DNAH8: variants seen among roughly 807,000 people sequenced by gnomAD.
The protein encoded by DNAH8 is dynein axonemal heavy chain 8, also known as axonemal beta dynein heavy chain 8.
DNAH8 carries 382 observed loss-of-function variants against 562.1 expected under a neutral mutation model. That is an observed-to-expected ratio of 0.68 (90% confidence interval 0.63 to 0.74). DNAH8 has a LOEUF of 0.74. Among genes scored for constraint, DNAH8 ranks in the 30% least tolerant of loss-of-function variants. The pLI, the probability that DNAH8 is intolerant of heterozygous loss-of-function variation, is 0.00. For synonymous variants in DNAH8, 1,881 were observed against 1,919.4 expected (o/e 0.98, Z 0.52); for missense variants, 5,203 against 5,620.4 (o/e 0.93, Z 2.37).
intron 33 of DNAH8, among the ~76,000 whole-genome samples, chr6:38,839,363 T>C: frequency 7.8e-6 from 1 of 128,208 alleles, no homozygotes; most frequent in East Asian, 3.7e-4. Flanking sequence ...AAGTTTTTTT[T>C]TTGTTTGTTT....
At chr6:38,890,852 A>G (rs781640965) in intron 58 of DNAH8, 91 bp downstream of exon 58, 2 of 866,452 alleles carry the variant, frequency 2.3e-6, no homozygotes, top group South Asian at 1.5e-5. Context: ...TCATAATATC[A>G]TATATAGTGG....
intron 82 of DNAH8, among the ~76,000 whole-genome samples, chr6:38,970,396 T>C (rs1430271286): frequency 6.6e-6 from 1 of 152,160 alleles, no homozygotes; most frequent in Non-Finnish European, 1.5e-5. Context: ...GAAAGATTCA[T>C]GTGGGCTTTG....
chr6:39,014,340 C>T (rs576540380), intron 91 of DNAH8, among the ~76,000 whole-genome samples: 2 of 152,064 alleles, frequency 1.3e-5, no homozygotes, highest in Non-Finnish European at 2.9e-5. Flanking sequence ...CTCTTTCCTC[C>T]GTATGAGCCT....
chr6:38,868,055 A>T lies in DNAH8; in HGVS notation c.6694-7A>T, dbSNP rs758467803. ...AACCATCTTTTTGCCCTCTTCTCCC[A>T]TCTCAGGTTCATTATGACTTTGGAT... On this transcript the variant is annotated splice_region_variant and splice_polypyrimidine_tract_variant and intron_variant, in intron 47 of 92. Transcript: ENST00000327475. The T allele has an allele frequency of 1.5e-5, 24 of 1,605,486 alleles. No individual in the cohort carries two copies. Among genetic ancestry groups the T allele is most frequent in the Non-Finnish European group, 1.9e-5 (22 of 1,177,702 alleles).
rs777186173 is a variant in DNAH8, at chr6:38,973,799, A to G, written c.12664A>G (p.Ile4222Val). Residue 4222 changes from isoleucine (I) to valine (V), a missense_variant, in exon 84 of 93, where the codon ATT becomes GTT. Transcript: ENST00000327475. Reference protein sequence around the residue: ...ITTEPHDRFPITLLQTSLKFT... With the variant: ...ITTEPHDRFPVTLLQTSLKFT... ...TACGGAGCCCCATGATCGATTTCCA[A>G]TTACATTGCTTCAGGTTTGTTACTA... 6.9e-6 allele frequency: 11 copies of G among 1,603,494 alleles called. No individual in the cohort carries two copies. In the Admixed American group the frequency reaches 8.8e-5, roughly 13 times the overall value.
chr6:38,884,188 GTT>G (rs1359064310), intron 56 of DNAH8, among the ~76,000 whole-genome samples, 190 bp downstream of exon 56: 1 of 151,630 alleles, frequency 6.6e-6, no homozygotes, highest in African/African-American at 2.4e-5. Flanking sequence ...GTGTTTTTTT[GTT>G]TTTGTTTTTT....
At chr6:39,007,298 A>G (rs1196355225) in intron 88 of DNAH8, among the ~76,000 whole-genome samples, 1 of 152,218 alleles carries the variant, frequency 6.6e-6, no homozygotes, top group Non-Finnish European at 1.5e-5. Context: ...TTAGATGTAT[A>G]TATTTCCATA....
At chr6:38,964,908 C>G (rs1045431344) in intron 82 of DNAH8, among the ~76,000 whole-genome samples, 1 of 151,720 alleles carries the variant, frequency 6.6e-6, no homozygotes, top group South Asian at 2.1e-4. Flanking sequence ...ATTAAAAATA[C>G]AAAAAATTAG....
In DNAH8 at chr6:38,935,676, T is replaced by C. The variant is rs1782895250; in HGVS notation, c.11542T>C (p.Tyr3848His). ...GAAAGAACTTGAAGATAACCTCCTC[T>C]ATAAATTAAGTGCTACAAAAGGTAT... ...KMKELEDNLL[Y>H]KLSATKGSLV... The change falls in exon 77 of 93, where the codon TAT (tyrosine) becomes CAT (histidine). Residue 3848 changes from tyrosine to histidine, a missense_variant. By Grantham distance (83) the Tyr-to-His change is moderately conservative. This residue lies in a region of DNAH8 where 1,399 missense variants were observed against 1,518.4 expected (regional missense o/e 0.92). Transcript: ENST00000327475. The C allele has an allele frequency of 6.2e-7, 1 of 1,610,136 alleles. No individual in the cohort carries two copies. The highest frequency in any genetic ancestry group is 8.5e-7 in the Non-Finnish European group (1 of 1,177,908).
At chr6:39,020,944 G>A (rs1359175657) in intron 91 of DNAH8, among the ~76,000 whole-genome samples, 3 of 152,158 alleles carry the variant, frequency 2.0e-5, no homozygotes, top group African/African-American at 7.2e-5. Flanking sequence ...TTGGTTCCAT[G>A]TCTTTGCTAT....
intron 67 of DNAH8, 74 bp downstream of exon 67, chr6:38,914,026 T>C (rs1781106003): frequency 9.7e-6 from 11 of 1,135,742 alleles, no homozygotes; most frequent in Non-Finnish European, 1.3e-5. Flanking sequence ...AAAATGGTAC[T>C]AAAGAACAAG....
chr6:38,884,691 C>T (rs1778783665), intron 56 of DNAH8, among the ~76,000 whole-genome samples: 1 of 152,192 alleles, frequency 6.6e-6, no homozygotes, highest in Non-Finnish European at 1.5e-5. Context: ...TGCAGGGTTA[C>T]ATCCTTGCTC....
At position 38,903,901 on chromosome 6, in the gene DNAH8, C is replaced by T. The variant is rs147636650; in HGVS notation, c.9195-2353C>T. 1.3e-3 allele frequency among the ~76,000 whole-genome samples: 201 copies of T among 152,084 alleles called. 1 individual carries two copies. The highest frequency in any genetic ancestry group is 4.4e-3 in the African/African-American group (183 of 41,504). ...CTGGGATTACAAGCATGAGCCACCG[C>T]GCCCAGCCACAGTGACAATATTTTC... On this transcript the variant is annotated intron_variant, in intron 62 of 92. Coordinates refer to ENST00000327475, the MANE Select transcript of DNAH8 (RefSeq NM_001206927.2).
At chr6:38,989,318 T>G (rs1764625162) in intron 87 of DNAH8, among the ~76,000 whole-genome samples, 1 of 148,560 alleles carries the variant, frequency 6.7e-6, no homozygotes, top group Non-Finnish European at 1.5e-5. Context: ...CTCATAGGCA[T>G]TTAGCATCAT....
At chr6:38,761,217 G>A (rs1359323825) in intron 10 of DNAH8, among the ~76,000 whole-genome samples, 4 of 147,300 alleles carry the variant, frequency 2.7e-5, no homozygotes, top group Non-Finnish European at 6.0e-5. Flanking sequence ...CCATTAACTC[G>A]TCATTTAGCA....
chr6:38,883,050 A>G lies in DNAH8; in HGVS notation c.7999A>G (p.Lys2667Glu), dbSNP rs759425666. 4 of 1,588,800 alleles carry G rather than the reference A, an allele frequency of 2.5e-6. No homozygotes were observed. Among genetic ancestry groups the G allele is most frequent in the Admixed American group, 1.8e-5 (1 of 54,338 alleles). Residue 2667 changes from lysine (K) to glutamate (E), a missense_variant and splice_region_variant, in exon 54 of 93, where the codon AAA becomes GAA. Physicochemically the swap from Lys to Glu is moderately conservative, Grantham distance 56. Around this residue, in one of 6 missense-constraint regions of DNAH8, gnomAD observed 977 missense variants for 1,061.8 expected, o/e 0.92. Coordinates refer to ENST00000327475, the MANE Select transcript of DNAH8 (RefSeq NM_001206927.2). ...FLIDTIAKQHKAVLLTGEQGT... is the reference protein window; with the variant it reads ...FLIDTIAKQHEAVLLTGEQGT... ...GATAGACACCATTGCAAAACAACAT[A>G]AAGTAAGTTTAATAGATAGTTCCTT...
At chr6:38,783,643 G>C (rs1344237195) in intron 17 of DNAH8, among the ~76,000 whole-genome samples, 2 of 152,130 alleles carry the variant, frequency 1.3e-5, no homozygotes, top group Admixed American at 6.6e-5. Context: ...GTGCCTCTGA[G>C]GGGAGGGCTT....
At chr6:38,946,035 C>T (rs1431677679) in intron 80 of DNAH8, among the ~76,000 whole-genome samples, 2 of 151,870 alleles carry the variant, frequency 1.3e-5, no homozygotes, top group African/African-American at 4.9e-5. Context: ...AAATAGGTAC[C>T]GATTTGCTTG....
chr6:38,879,236 C>T (rs9380798), intron 53 of DNAH8, among the ~76,000 whole-genome samples: 65,838 of 151,750 alleles, frequency 0.43, 15,212 homozygotes, highest in East Asian at 0.84. Flanking sequence ...CACTTCCCAG[C>T]CCATTTCATA....
Sources: gnomAD v4.1 joint callset for allele counts (sites outside exome capture counted in the v4.1 genomes callset) on GRCh38, gnomAD v4.1.1 for gene constraint, gnomAD v4.1.1 regional missense constraint, MANE v1.5 for transcripts, NCBI Gene and HGNC (gene_info 2026-07-23, HGNC 2026-07-21) for gene names.